Variants in ZNF17 observed in about 807,000 individuals in gnomAD.
The protein encoded by ZNF17 is zinc finger protein 17 (HPF3, KOX 10).
A neutral mutation model predicts 7.7 loss-of-function variants in ZNF17; 4 were observed. The observed-to-expected ratio is 0.52, with a 90% confidence interval of 0.26 to 1.20. ZNF17 has a LOEUF of 1.20. ZNF17 is among the 50% of genes most tolerant of loss of function. The pLI is 0.14. For synonymous variants in ZNF17, 249 were observed against 258.8 expected, an observed-to-expected ratio of 0.96 and a Z score of 0.36; for missense variants, 738 against 799.5, an observed-to-expected ratio of 0.92 and a Z score of 0.93.
intron 1 of ZNF17, 76 bp from the exon 2 acceptor site, chr19:57,413,520 C>A: frequency 6.7e-7 from 1 of 1,492,168 alleles, no homozygotes; most frequent in Non-Finnish European, 9.0e-7. Context: ...AGTTGCAGGG[C>A]CAGAGGTGGT....
rs199548285 is a variant in ZNF17 at position 57,421,406 on chromosome 19, T to C, written c.1920T>C (p.Tyr640=). Residue 640 remains tyrosine (Y), a synonymous_variant, in exon 4 of 4, where the codon TAT becomes TAC. Coordinates refer to ENST00000307658, the MANE Select transcript of ZNF17 (RefSeq NM_001330617.2). ...HRRIHTGERP[Y]QCSECGRVFN... Reference sequence around the variant, plus strand: ...GAATTCACACTGGAGAGAGACCTTATCAGTGCAGTGAATGTGGAAGAGTCT... The same window carrying C: ...GAATTCACACTGGAGAGAGACCTTACCAGTGCAGTGAATGTGGAAGAGTCT... 39 of 1,614,150 alleles carry C rather than the reference T, an allele frequency of 2.4e-5. No individual in the cohort carries two copies. The East Asian group carries it at 5.1e-4, about 21-fold the overall frequency.
chr19:57,413,272 C>CA (rs1209639139), intron 1 of ZNF17: 11 of 275,000 alleles, frequency 4.0e-5, no homozygotes, highest in African/African-American at 2.4e-4. Context: ...CCCAAAATTT[C>CA]AAAACCCTTC....
chr19:57,414,100 C>T (rs188436555), intron 2 of ZNF17, among the ~76,000 whole-genome samples: 123 of 152,264 alleles, frequency 8.1e-4, no homozygotes, highest in African/African-American at 2.7e-3. Flanking sequence ...GTGGCGCGAT[C>T]TCAGCTCACT....
chr19:57,416,978 G>A (rs2088814996), intron 2 of ZNF17, among the ~76,000 whole-genome samples: 1 of 152,206 alleles, frequency 6.6e-6, no homozygotes. Flanking sequence ...GTGGATGTGT[G>A]TGGGTGTGGT....
intron 1 of ZNF17, among the ~76,000 whole-genome samples, chr19:57,412,568 C>T (rs1448918946): frequency 6.6e-6 from 1 of 151,796 alleles, no homozygotes; most frequent in Non-Finnish European, 1.5e-5. Context: ...CCTCAGCCTC[C>T]CGAGTAGCTG....
rs1285011146 is a variant in ZNF17, at chr19:57,420,669, A to C, written c.1183A>C (p.Lys395Gln). 2 of 1,613,914 alleles carry C rather than the reference A, an allele frequency of 1.2e-6. No individual in the cohort carries two copies. The highest frequency in any genetic ancestry group is 2.7e-5 in the African/African-American group (2 of 74,914). Residue 395 changes from lysine to glutamine, a missense_variant, in exon 4 of 4, where the codon AAA (lysine) becomes CAA (glutamine). Coordinates refer to ENST00000307658, the MANE Select transcript of ZNF17 (RefSeq NM_001330617.2). ...EKPYECNECG[K>Q]FFRYRSTLIR... ...ACCTTATGAATGCAACGAATGTGGG[A>C]AATTCTTTAGATACCGTTCCACACT...
chr19:57,418,186 G>C, intron 3 of ZNF17, 148 bp downstream of exon 3: 1 of 1,087,190 alleles, frequency 9.2e-7, no homozygotes, highest in South Asian at 1.6e-5. Context: ...CAGCTGGGCT[G>C]TGTGATCTGT....
At chr19:57,413,550 A>G in intron 1 of ZNF17, 46 bp from the exon 2 acceptor site, 6 of 1,533,812 alleles carry the variant, frequency 3.9e-6, no homozygotes, top group Middle Eastern at 1.9e-4. Context: ...AGCCTGTAGG[A>G]TGCTGCAATG....
At chr19:57,419,314 T>C (rs1028039049) in intron 3 of ZNF17, 5 of 253,196 alleles carry the variant, frequency 2.0e-5, no homozygotes, top group Non-Finnish European at 3.1e-5. Context: ...TCTCTCTGGG[T>C]CTGGACACAG....
chr19:57,420,636 G>A lies in ZNF17; in HGVS notation c.1150G>A (p.Gly384Arg), dbSNP rs1303832660. 6 of 1,613,312 alleles carry A rather than the reference G, an allele frequency of 3.7e-6. No individual in the cohort carries two copies. The highest frequency in any genetic ancestry group is 5.1e-6 in the Non-Finnish European group (6 of 1,179,408). ...CATTATTCACCAGAGAGTTCATACTGGAGAAAAACCTTATGAATGCAACGA... is the reference window on the plus strand; with the variant it reads ...CATTATTCACCAGAGAGTTCATACTAGAGAAAAACCTTATGAATGCAACGA... ...TLIIHQRVHT[G>R]EKPYECNECG... Residue 384 changes from glycine (G) to arginine (R), a missense_variant, in exon 4 of 4, where the codon GGA becomes AGA. Physicochemically the swap from Gly to Arg is moderately radical, Grantham distance 125 (BLOSUM62 -2). Around this residue, in one of 3 missense-constraint regions of ZNF17, gnomAD observed 616 missense variants for 663.9 expected, o/e 0.93. Coordinates refer to ENST00000307658, the MANE Select transcript of ZNF17 (RefSeq NM_001330617.2).
At chr19:57,415,645 AAGAC>A (rs893777838) in intron 2 of ZNF17, among the ~76,000 whole-genome samples, 1 of 152,112 alleles carries the variant, frequency 6.6e-6, no homozygotes, top group African/African-American at 2.4e-5. Flanking sequence ...GGGCATCACA[AAGAC>A]AGATGAGGGA....
chr19:57,413,977 C>G (rs959016437), intron 2 of ZNF17, among the ~76,000 whole-genome samples: 23 of 152,070 alleles, frequency 1.5e-4, no homozygotes, highest in Non-Finnish European at 5.9e-5. Context: ...GGCAGGAGGT[C>G]GGGGCATGCA....
At chr19:57,418,223 C>G (rs532134223) in intron 3 of ZNF17, among the ~76,000 whole-genome samples, 185 bp downstream of exon 3, 8 of 152,130 alleles carry the variant, frequency 5.3e-5, no homozygotes, top group African/African-American at 1.9e-4. Context: ...AAGCTTAGCT[C>G]TTGTCACTCT....
rs1015595490 is a variant in ZNF17 at position 57,415,881 on chromosome 19, A to G, written c.22-2031A>G. ...ATATTGGTTGTACCTGGGTAGTTTCACGCGAACTCTGAGACTATTTTGGCA... is the reference window on the plus strand; with the variant it reads ...ATATTGGTTGTACCTGGGTAGTTTCGCGCGAACTCTGAGACTATTTTGGCA... On this transcript the variant is annotated intron_variant, in intron 2 of 3. Transcript: ENST00000307658. Among the ~76,000 whole-genome samples the G allele has an allele frequency of 7.8e-4, 119 of 152,248 alleles. 1 individual carries two copies. Among genetic ancestry groups the G allele is most frequent in the Middle Eastern group, 6.8e-3 (2 of 294 alleles).
intron 1 of ZNF17, among the ~76,000 whole-genome samples, chr19:57,413,218 G>A (rs1392585780): frequency 1.3e-5 from 2 of 152,098 alleles, no homozygotes; most frequent in Non-Finnish European, 2.9e-5. Context: ...AAAGTTTTAT[G>A]TATCACATTT....
rs1277594047 is a variant in ZNF17 at position 57,411,254 on chromosome 19, G to C, written c.-173G>C. On this transcript the variant is annotated 5_prime_UTR_variant, in exon 1 of 4. Coordinates refer to ENST00000307658, the MANE Select transcript of ZNF17 (RefSeq NM_001330617.2). The stretch of plus-strand genomic sequence containing the variant: ...GAGGTGAAAAAGCGGAAAAACGCGA[G>C]AAAAGGTTTCCCCGTTGTACAGAGG... 6.3e-6 allele frequency: 8 copies of C among 1,274,280 alleles called. No individual in the cohort carries two copies. Among genetic ancestry groups the C allele is most frequent in the African/African-American group, 1.5e-5 (1 of 66,696 alleles). The allele number at this position is 1,274,280 out of a possible 1,614,324, so 78.9% of individuals were successfully genotyped here. A position where few individuals can be genotyped will look rare whatever the true frequency, so the allele number is the denominator to read the frequency against.
chr19:57,412,448 A>AT (rs34661992), intron 1 of ZNF17, among the ~76,000 whole-genome samples: 13,305 of 147,378 alleles, frequency 0.09, 1,623 homozygotes, highest in African/African-American at 0.28. Context: ...TGTGTAAAAC[A>AT]TTTTTTTTTT....
At chr19:57,417,291 T>A (rs2088816729) in intron 2 of ZNF17, among the ~76,000 whole-genome samples, 1 of 152,016 alleles carries the variant, frequency 6.6e-6, no homozygotes, top group Non-Finnish European at 1.5e-5. Flanking sequence ...TGGAAAGGCA[T>A]GCAGGGGAGA....
chr19:57,421,271 C>T lies in ZNF17; in HGVS notation c.1785C>T (p.Asp595=), dbSNP rs749345981. The part of the protein sequence containing the change: ...KCSKCGKFFM[D]SSTLISHERV... ...GCAAATGTGGGAAATTTTTTATGGA[C>T]AGCTCCACACTCATTAGTCATGAGA... The change falls in exon 4 of 4, where the codon GAC becomes GAT. Residue 595 remains aspartate, a synonymous_variant. Coordinates refer to ENST00000307658, the MANE Select transcript of ZNF17 (RefSeq NM_001330617.2). 11 of 1,613,660 alleles carry T rather than the reference C, an allele frequency of 6.8e-6. No homozygotes were observed. In the East Asian group the frequency reaches 2.2e-4, roughly 33 times the overall value.
Sources: allele counts gnomAD v4.1 joint callset (sites outside exome capture counted in the v4.1 genomes callset), GRCh38; gene constraint gnomAD v4.1.1; regional missense constraint gnomAD v4.1.1; transcripts MANE v1.5; gene names NCBI Gene and HGNC (gene_info 2026-07-23, HGNC 2026-07-21).